Variants in LRRC8D observed in about 807,000 individuals in gnomAD.
LRRC8D encodes the protein volume-regulated anion channel subunit LRRC8D.
LRRC8D carries 20 observed loss-of-function variants against 55.8 expected under a neutral mutation model. That is an observed-to-expected ratio of 0.36 (90% confidence interval 0.25 to 0.52). The LOEUF (loss-of-function observed/expected upper bound fraction) is 0.52. LRRC8D is among the 20% of genes least tolerant of loss of function. The probability of loss-of-function intolerance (pLI) is 0.93; values close to 1 mark genes in which losing one functional copy is unlikely to be tolerated. For synonymous variants in LRRC8D, 352 were observed against 377.0 expected (o/e 0.93, Z 0.77); for missense variants, 651 against 1,030.8 (o/e 0.63, Z 5.05).
chr1:89,860,528 G>C (rs1661675501), intron 2 of LRRC8D, among the ~76,000 whole-genome samples: 1 of 151,644 alleles, frequency 6.6e-6, no homozygotes, highest in South Asian at 2.1e-4. Context: ...GTGAGGCCAG[G>C]GCGGGCAGAT....
intron 2 of LRRC8D, among the ~76,000 whole-genome samples, chr1:89,848,020 T>C (rs947021022): frequency 6.6e-6 from 1 of 152,100 alleles, no homozygotes; most frequent in Non-Finnish European, 1.5e-5. Context: ...TGATGAAAAA[T>C]GCATAATATG....
intron 2 of LRRC8D, among the ~76,000 whole-genome samples, chr1:89,891,868 T>G (rs1188190467): frequency 6.6e-6 from 1 of 152,224 alleles, no homozygotes; most frequent in East Asian, 1.9e-4. Flanking sequence ...CCTTTGTTCC[T>G]GTAACTTTCA....
At chr1:89,831,148 T>C (rs1055916711) in intron 1 of LRRC8D, among the ~76,000 whole-genome samples, 2 of 152,094 alleles carry the variant, frequency 1.3e-5, no homozygotes, top group Admixed American at 6.5e-5. Flanking sequence ...TCATGTAATC[T>C]GCCTGCCTCA....
chr1:89,933,102 G>A lies in LRRC8D; in HGVS notation c.34G>A (p.Asp12Asn). 1 of 1,611,816 alleles carries A rather than the reference G, an allele frequency of 6.2e-7. No homozygotes were observed. Among genetic ancestry groups the A allele is most frequent in the Non-Finnish European group, 8.5e-7 (1 of 1,178,016 alleles). Reference protein sequence around the residue: ...FTLAEVASLNDIQPTYRILKP... With the variant: ...FTLAEVASLNNIQPTYRILKP... Reference sequence around the variant, plus strand: ...CCTTGCGGAAGTTGCATCACTTAATGACATTCAGCCAACTTACCGAATCCT... The same window carrying A: ...CCTTGCGGAAGTTGCATCACTTAATAACATTCAGCCAACTTACCGAATCCT... The change falls in exon 3 of 3, where the codon GAC (aspartate) becomes AAC (asparagine). Residue 12 changes from aspartate to asparagine, a missense_variant. Physicochemically the swap from Asp to Asn is conservative, Grantham distance 23. Around this residue, in one of 5 missense-constraint regions of LRRC8D, gnomAD observed 15 missense variants for 22.0 expected, o/e 0.68. Coordinates refer to ENST00000337338, the MANE Select transcript of LRRC8D (RefSeq NM_001134479.2). This position sits in a 1 kb window ranked among gnomAD's most constrained non-coding sequence, Gnocchi z 7.0.
intron 1 of LRRC8D, among the ~76,000 whole-genome samples, chr1:89,828,922 A>G (rs1660826234): frequency 6.6e-6 from 1 of 152,218 alleles, no homozygotes; most frequent in Non-Finnish European, 1.5e-5. Context: ...GAAAGGATGT[A>G]CAAGAAGACA....
intron 1 of LRRC8D, among the ~76,000 whole-genome samples, chr1:89,842,009 G>A (rs540345603): frequency 2.0e-5 from 3 of 152,054 alleles, no homozygotes; most frequent in East Asian, 3.9e-4. Flanking sequence ...TCAGGAGATC[G>A]AGATCATCCT....
At chr1:89,845,868 G>A (rs371480411) in intron 2 of LRRC8D, among the ~76,000 whole-genome samples, 76 of 151,724 alleles carry the variant, frequency 5.0e-4, no homozygotes, top group African/African-American at 1.6e-3. Context: ...CACAACCTCC[G>A]TCTCCCGGGT....
chr1:89,880,530 A>T (rs1464817929), intron 2 of LRRC8D, among the ~76,000 whole-genome samples: 1 of 151,458 alleles, frequency 6.6e-6, no homozygotes, highest in East Asian at 1.9e-4. Flanking sequence ...TTCATTATCC[A>T]TAACATGAGT....
At chr1:89,885,135 A>G (rs1214045839) in intron 2 of LRRC8D, among the ~76,000 whole-genome samples, 1 of 151,776 alleles carries the variant, frequency 6.6e-6, no homozygotes, top group East Asian at 1.9e-4. Flanking sequence ...ATAAAACTAC[A>G]CTCCCTTTAA....
chr1:89,892,171 G>T (rs571694746), intron 2 of LRRC8D, among the ~76,000 whole-genome samples: 7 of 152,168 alleles, frequency 4.6e-5, no homozygotes, highest in Non-Finnish European at 8.8e-5. Context: ...TAAAATGCTG[G>T]ATATTTCACA....
chr1:89,935,813 TTTG>T lies in LRRC8D; in HGVS notation c.*170_*172del. 1 of 610,904 alleles carries T rather than the reference TTTG, an allele frequency of 1.6e-6. No homozygotes were observed. The highest frequency in any genetic ancestry group is 2.8e-6 in the Non-Finnish European group (1 of 358,172). 37.8% of individuals were successfully genotyped at this position (610,904 alleles called of 1,614,324 possible). On this transcript the variant is annotated 3_prime_UTR_variant, in exon 3 of 3. Coordinates refer to ENST00000337338, the MANE Select transcript of LRRC8D (RefSeq NM_001134479.2). ...AGAAGACATAACTGAATGTTCAATG[TTTG>T]TAGGGTTTTAAGTCATTCATTTCCA...
intron 2 of LRRC8D, among the ~76,000 whole-genome samples, chr1:89,863,512 A>T (rs931703286): frequency 6.6e-6 from 1 of 152,156 alleles, no homozygotes; most frequent in Non-Finnish European, 1.5e-5. Context: ...CACTTTCAAG[A>T]TGCTGAAAAT....
chr1:89,914,864 G>A (rs1169328286), intron 2 of LRRC8D, among the ~76,000 whole-genome samples: 2 of 152,082 alleles, frequency 1.3e-5, no homozygotes, highest in African/African-American at 4.8e-5. Context: ...GCACGGGGCC[G>A]TGTCATTTTA....
At chr1:89,847,707 G>A (rs572274055) in intron 2 of LRRC8D, among the ~76,000 whole-genome samples, 2 of 152,282 alleles carry the variant, frequency 1.3e-5, no homozygotes, top group African/African-American at 4.8e-5. Flanking sequence ...TAATGCAGTG[G>A]CTCCTGACAC....
chr1:89,905,357 A>G (rs371463971), intron 2 of LRRC8D, among the ~76,000 whole-genome samples: 9 of 152,328 alleles, frequency 5.9e-5, no homozygotes, highest in African/African-American at 2.2e-4. Flanking sequence ...CAAGACTTTT[A>G]TGGGATGGAA....
At chr1:89,886,198 A>G (rs1662414017) in intron 2 of LRRC8D, among the ~76,000 whole-genome samples, 1 of 152,204 alleles carries the variant, frequency 6.6e-6, no homozygotes, top group African/African-American at 2.4e-5. Context: ...AAACTTAAAT[A>G]TCCTAAGATT....
At chr1:89,849,755 A>G (rs1370441408) in intron 2 of LRRC8D, among the ~76,000 whole-genome samples, 3 of 151,842 alleles carry the variant, frequency 2.0e-5, no homozygotes, top group African/African-American at 4.8e-5. Flanking sequence ...AATTTTTGTA[A>G]TGTTTCTTGT....
chr1:89,848,775 C>G (rs1054526450), intron 2 of LRRC8D, among the ~76,000 whole-genome samples: 1 of 152,200 alleles, frequency 6.6e-6, no homozygotes, highest in African/African-American at 2.4e-5. Flanking sequence ...TCTCGGCTCA[C>G]TGCAAGCTCT....
chr1:89,848,626 C>CA (rs1267870115), intron 2 of LRRC8D, among the ~76,000 whole-genome samples: 1 of 152,050 alleles, frequency 6.6e-6, no homozygotes, highest in Non-Finnish European at 1.5e-5. Flanking sequence ...CAGGCATTGA[C>CA]AAATAGACAC....
Sources: gnomAD v4.1 joint callset for allele counts (sites outside exome capture counted in the v4.1 genomes callset) on GRCh38, gnomAD v4.1.1 for gene constraint, gnomAD v4.1.1 regional missense constraint, Gnocchi (gnomAD v3.1) non-coding constraint, MANE v1.5 for transcripts, NCBI Gene and HGNC (gene_info 2026-07-23, HGNC 2026-07-21) for gene names.